Variants in AOPEP observed in about 807,000 individuals in gnomAD.
The protein encoded by AOPEP is aminopeptidase O.
Under a neutral mutation model 98.1 loss-of-function variants are expected in AOPEP, and 77 were observed. That is an observed-to-expected ratio of 0.78 (90% confidence interval 0.65 to 0.95). AOPEP has a LOEUF of 0.95. Ranked by LOEUF, AOPEP falls within the 40% of genes least tolerant of loss-of-function variation. The pLI, the probability that AOPEP is intolerant of heterozygous loss-of-function variation, is 0.00. For missense variants in AOPEP, 1,024 were observed against 1,024.7 expected (o/e 1.00, Z 0.01); for synonymous variants, 346 against 365.3 (o/e 0.95, Z 0.60).
chr9:94,928,892 T>A (rs1008463695), intron 7 of AOPEP: 1 of 196,604 alleles, frequency 5.1e-6, no homozygotes, highest in East Asian at 1.7e-4. Flanking sequence ...AAAAAATCTT[T>A]AGGAAAATAT....
intron 5 of AOPEP, among the ~76,000 whole-genome samples, chr9:94,813,748 A>C (rs1276444294): frequency 6.6e-6 from 1 of 152,168 alleles, no homozygotes; most frequent in Non-Finnish European, 1.5e-5. Context: ...CCTAATGGTG[A>C]GTTGTTTGCT....
At chr9:95,048,267 A>C (rs1021463804) in intron 13 of AOPEP, among the ~76,000 whole-genome samples, 1 of 152,140 alleles carries the variant, frequency 6.6e-6, no homozygotes, top group African/African-American at 2.4e-5. Flanking sequence ...AAGTCCTCAC[A>C]TTGTGTAAGT....
chr9:95,034,026 A>G (rs1427210311), intron 13 of AOPEP, among the ~76,000 whole-genome samples: 1 of 152,174 alleles, frequency 6.6e-6, no homozygotes, highest in Non-Finnish European at 1.5e-5. Context: ...CTGTGAGGTC[A>G]TTGATGATGA....
the AOPEP span, among the ~76,000 whole-genome samples, chr9:95,137,908 G>C: frequency 6.6e-6 from 1 of 152,264 alleles, no homozygotes; most frequent in Non-Finnish European, 1.5e-5. Flanking sequence ...AGAGAGAGGA[G>C]AGGAGTGGAG....
At chr9:95,008,024 A>G (rs1014745544) in intron 13 of AOPEP, among the ~76,000 whole-genome samples, 5 of 152,208 alleles carry the variant, frequency 3.3e-5, no homozygotes, top group Non-Finnish European at 4.4e-5. Flanking sequence ...TGCATCCACT[A>G]TATTTTTCTT....
At chr9:95,101,223 T>C in the AOPEP span, 266 of 256,308 alleles carry the variant, frequency 1.0e-3, 2 homozygotes, top group African/African-American at 5.4e-3. Context: ...CCTTGAAGAA[T>C]TTCTCCATAC....
intron 14 of AOPEP, among the ~76,000 whole-genome samples, chr9:95,074,913 G>A (rs1340807283): frequency 6.6e-6 from 1 of 152,224 alleles, no homozygotes; most frequent in Non-Finnish European, 1.5e-5. Context: ...CTTGATAGGT[G>A]AGGTGTTGGG....
chr9:94,902,798 G>A (rs543214574), intron 5 of AOPEP, among the ~76,000 whole-genome samples: 33 of 150,802 alleles, frequency 2.2e-4, no homozygotes, highest in African/African-American at 7.8e-4. Flanking sequence ...GCTCACACCT[G>A]TAATCCCAGC....
rs1320541705 is a variant in AOPEP at position 94,837,938 on chromosome 9, G to A, written c.1364+36936G>A. ...CAATCAGACAAGGGAATGAAATAAA[G>A]GTCATCCAAATTGGTAAAGAGGAAA... On this transcript the variant is annotated intron_variant, in intron 5 of 16. Coordinates refer to ENST00000375315, the MANE Select transcript of AOPEP (RefSeq NM_001193329.3). Among the ~76,000 whole-genome samples, 4 of 152,178 alleles carry A rather than the reference G, an allele frequency of 2.6e-5. No homozygotes were observed. In the East Asian group the frequency reaches 7.7e-4, roughly 29 times the overall value.
intron 5 of AOPEP, among the ~76,000 whole-genome samples, chr9:94,818,080 T>C (rs988700271): frequency 2.4e-4 from 37 of 152,292 alleles, no homozygotes; most frequent in African/African-American, 8.9e-4. Context: ...CCCAAGATGA[T>C]GGAGAGAGAG....
chr9:94,931,920 C>A (rs2055379964), intron 7 of AOPEP: 1 of 1,138,464 alleles, frequency 8.8e-7, no homozygotes, highest in Non-Finnish European at 1.2e-6. Context: ...TAACAGTCTC[C>A]ACTTCAATAG....
At chr9:94,842,346 G>A (rs2042368233) in intron 5 of AOPEP, among the ~76,000 whole-genome samples, 1 of 152,162 alleles carries the variant, frequency 6.6e-6, no homozygotes, top group Non-Finnish European at 1.5e-5. Flanking sequence ...GGGGGACAAA[G>A]CGAGACTCCG....
intron 1 of AOPEP, among the ~76,000 whole-genome samples, chr9:94,737,144 C>T (rs943393): frequency 0.68 from 101,911 of 150,834 alleles, 35,209 homozygotes; most frequent in African/African-American, 0.83. Flanking sequence ...CTTTTTTTTT[C>T]TGTTAGACAG....
chr9:94,927,597 T>C (rs574531750), intron 6 of AOPEP, among the ~76,000 whole-genome samples: 1 of 152,314 alleles, frequency 6.6e-6, no homozygotes, highest in African/African-American at 2.4e-5. Flanking sequence ...GAAGCCCTGG[T>C]GGGCAAGGGG....
the AOPEP span, among the ~76,000 whole-genome samples, chr9:95,103,693 G>A: frequency 5.3e-5 from 8 of 152,234 alleles, no homozygotes; most frequent in Non-Finnish European, 1.2e-4. Flanking sequence ...GGGGAAAATC[G>A]GAGGGCCGAG....
the AOPEP span, among the ~76,000 whole-genome samples, chr9:95,093,756 A>G: frequency 2.0e-5 from 3 of 152,134 alleles, no homozygotes; most frequent in African/African-American, 7.2e-5. Context: ...TGGCACGTAC[A>G]TAACGCTCGC....
intron 12 of AOPEP, 107 bp from the exon 13 acceptor site, chr9:95,005,435 C>T: frequency 6.0e-6 from 7 of 1,169,674 alleles, no homozygotes; most frequent in Non-Finnish European, 8.9e-6. Flanking sequence ...TCCCGAGGTG[C>T]GGGGAAGACC....
At chr9:95,014,471 CA>C (rs886672341) in intron 13 of AOPEP, among the ~76,000 whole-genome samples, 243 of 136,308 alleles carry the variant, frequency 1.8e-3, no homozygotes, top group Admixed American at 2.8e-3. Flanking sequence ...GACCCTGTTT[CA>C]AAAAAAAAAA....
At chr9:95,101,787 A>C in the AOPEP span, 3 of 1,614,094 alleles carry the variant, frequency 1.9e-6, no homozygotes, top group Non-Finnish European at 2.5e-6. Flanking sequence ...AGACGATTCC[A>C]TCTGTACAAG....
Sources: gnomAD v4.1 joint callset for allele counts (sites outside exome capture counted in the v4.1 genomes callset) on GRCh38, gnomAD v4.1.1 for gene constraint, MANE v1.5 for transcripts, NCBI Gene and HGNC (gene_info 2026-07-23, HGNC 2026-07-21) for gene names.